ANGPT2: variants seen among roughly 807,000 people sequenced by gnomAD.
The protein encoded by ANGPT2 is angiopoietin-2.
In ANGPT2, 28 loss-of-function variants were observed where a neutral mutation model predicts 62.9. That is an observed-to-expected ratio of 0.44 (90% CI 0.33 to 0.61). ANGPT2 has a LOEUF of 0.61. ANGPT2 is among the 20% of genes least tolerant of loss of function. The pLI is 0.03. For synonymous variants in ANGPT2, 284 were observed against 207.8 expected, an observed-to-expected ratio of 1.37 and a Z score of -3.15; for missense variants, 727 against 594.9, an observed-to-expected ratio of 1.22 and a Z score of -2.31.
chr8:6,519,981 G>A lies in ANGPT2; in HGVS notation c.810C>T (p.Pro270=). The stretch of plus-strand genomic sequence containing the variant: ...TGATTTGTTCTTCTTTAGCAACAGT[G>A]GGGTCCTTAGCTGCTTTTAAAAAAT... ...TMMSTSNSKD[P]TVAKEEQISF... is the part of the protein sequence containing the mutation. Residue 270 remains proline (P), a synonymous_variant, in exon 5 of 9, where the codon CCC becomes CCT. Coordinates refer to ENST00000629816, the MANE Select transcript of ANGPT2 (RefSeq NM_001118887.2). 6.2e-7 allele frequency: 1 copy of A among 1,613,970 alleles called. No homozygotes were observed. The highest frequency in any genetic ancestry group is 1.3e-5 in the African/African-American group (1 of 75,042).
Position 6,552,596 on chromosome 8 carries a change from A to G in ANGPT2, c.288+10051T>C, listed in dbSNP as rs149056428. Among the ~76,000 whole-genome samples the G allele has an allele frequency of 4.5e-3, 681 of 152,316 alleles. 6 individuals are homozygous for G. Among genetic ancestry groups the G allele is most frequent in the African/African-American group, 0.015 (644 of 41,578 alleles). On this transcript the variant is annotated intron_variant, in intron 1 of 8. Transcript: ENST00000629816. Reference sequence around the variant, plus strand: ...TGATAAGTGTCTTTCTGGTGTTCCTATTAAAATTCATTATAATTACCGTTC... The same window carrying G: ...TGATAAGTGTCTTTCTGGTGTTCCTGTTAAAATTCATTATAATTACCGTTC...
At position 6,505,302 on chromosome 8, in the gene ANGPT2, TG is replaced by T. The variant is rs1221415075; in HGVS notation, c.1328-2042del. Among the ~76,000 whole-genome samples the T allele has an allele frequency of 3.4e-3, 151 of 44,934 alleles. 18 individuals are homozygous for T. The highest frequency in any genetic ancestry group is 0.019 in the African/African-American group (137 of 7,228). 29.5% of individuals were successfully genotyped at this position (44,934 alleles called of 152,430 possible). A position where few individuals can be genotyped will look rare whatever the true frequency, so the allele number is the denominator to read the frequency against. On this transcript the variant is annotated intron_variant, in intron 8 of 8. Transcript: ENST00000629816. ...CATATATATGTTATATACATATATA[TG>T]TATATAACATATATATGTTATATAC...
intron 1 of ANGPT2, among the ~76,000 whole-genome samples, chr8:6,539,429 G>C (rs1163125357): frequency 6.6e-6 from 1 of 152,156 alleles, no homozygotes; most frequent in Non-Finnish European, 1.5e-5. Flanking sequence ...CTGGCCTCTG[G>C]TGCCAATTTC....
rs1446607473 is a variant in ANGPT2, at chr8:6,520,001, AAAAATAGT to A, written c.800-18_800-11del. On this transcript the variant is annotated splice_polypyrimidine_tract_variant and intron_variant, in intron 4 of 8. Coordinates refer to ENST00000629816, the MANE Select transcript of ANGPT2 (RefSeq NM_001118887.2). ...ACAGTGGGGTCCTTAGCTGCTTTTA[AAAAATAGT>A]AAGGCATTTAAACGGAGTTCATGAA... 1.2e-6 allele frequency: 2 copies of A among 1,613,006 alleles called. No individual in the cohort carries two copies. Among genetic ancestry groups the A allele is most frequent in the Non-Finnish European group, 1.7e-6 (2 of 1,179,560 alleles).
In ANGPT2 at chr8:6,521,172, A is replaced by G. The variant is rs890659926; in HGVS notation, c.799+6T>C. ...ACGCTGAAGAAAGCATGATATGTAA[A>G]CTTACAGTTTGATGTGGACATCATA... On this transcript the variant is annotated splice_donor_region_variant and intron_variant, in intron 4 of 8. Transcript: ENST00000629816. 1.2e-6 allele frequency: 2 copies of G among 1,609,396 alleles called. No homozygotes were observed. Among genetic ancestry groups the G allele is most frequent in the African/African-American group, 2.7e-5 (2 of 74,778 alleles).
intron 1 of ANGPT2, among the ~76,000 whole-genome samples, chr8:6,547,865 C>T (rs762558748): frequency 1.4e-4 from 21 of 151,054 alleles, no homozygotes; most frequent in Non-Finnish European, 2.4e-4. Context: ...TTGTTTGTTT[C>T]AGTGAGTCAT....
Position 6,514,677 on chromosome 8 carries a change from C to A in ANGPT2, c.1029G>T (p.Val343=). ...DFQRTWKEYK[V]GFGNPSGEYW... ...CTGATGCCTTAAAGAATGTCCTTAC[C>A]ACTTTATATTCTTTCCAAGTCCTCT... The change falls in exon 6 of 9, where the codon GTG becomes GTT. Residue 343 remains valine, a splice_region_variant and synonymous_variant. Transcript: ENST00000629816. 6.2e-7 allele frequency: 1 copy of A among 1,613,198 alleles called. No individual in the cohort carries two copies.
At chr8:6,517,219 G>A (rs1404217829) in intron 5 of ANGPT2, among the ~76,000 whole-genome samples, 2 of 152,154 alleles carry the variant, frequency 1.3e-5, no homozygotes, top group Non-Finnish European at 2.9e-5. Flanking sequence ...AAACCTAAGG[G>A]CAGTTAATAT....
chr8:6,503,128 G>T lies in ANGPT2; in HGVS notation c.1461C>A (p.Thr487=). 6.2e-7 allele frequency: 1 copy of T among 1,614,188 alleles called. No individual in the cohort carries two copies. The change falls in exon 9 of 9, where the codon ACC becomes ACA. Residue 487 remains threonine, a synonymous_variant. Transcript: ENST00000629816. ...AGAAATCTGCTGGTCGGATCATCAT[G>T]GTTGTGGCCTTGAGCGAATAGCCTG... ...KGSGYSLKAT[T]MMIRPADF is the part of the protein sequence containing the mutation.
intron 1 of ANGPT2, among the ~76,000 whole-genome samples, chr8:6,542,393 A>G (rs1043387966): frequency 2.6e-5 from 4 of 151,848 alleles, no homozygotes; most frequent in Non-Finnish European, 4.4e-5. Context: ...TGTGTGTTTC[A>G]GTTCTCTAAG....
At chr8:6,550,762 C>T (rs1013659089) in intron 1 of ANGPT2, among the ~76,000 whole-genome samples, 7 of 152,208 alleles carry the variant, frequency 4.6e-5, no homozygotes, top group African/African-American at 1.7e-4. Context: ...TCTGATACCT[C>T]TCAGAGCTGG....
At chr8:6,544,447 C>G (rs1053238913) in intron 1 of ANGPT2, among the ~76,000 whole-genome samples, 2 of 152,102 alleles carry the variant, frequency 1.3e-5, no homozygotes, top group Admixed American at 6.6e-5. Context: ...ACCTCCTAAC[C>G]CAAAATAAGA....
chr8:6,546,783 C>T (rs1356997937), intron 1 of ANGPT2, among the ~76,000 whole-genome samples: 1 of 152,190 alleles, frequency 6.6e-6, no homozygotes, highest in South Asian at 2.1e-4. Context: ...CCTCCCCTTC[C>T]CCCAATCCAA....
intron 1 of ANGPT2, among the ~76,000 whole-genome samples, chr8:6,541,860 T>G (rs1190569946): frequency 6.6e-6 from 1 of 151,972 alleles, no homozygotes; most frequent in African/African-American, 2.4e-5. Flanking sequence ...TTTTAAAAAT[T>G]AGCTGGACAT....
At chr8:6,520,743 G>A (rs1402537898) in intron 4 of ANGPT2, among the ~76,000 whole-genome samples, 1 of 152,096 alleles carries the variant, frequency 6.6e-6, no homozygotes, top group South Asian at 2.1e-4. Flanking sequence ...CAATAATAAG[G>A]AAGGCAAAAT....
At chr8:6,537,308 C>G (rs1563087031) in intron 1 of ANGPT2, among the ~76,000 whole-genome samples, 1 of 152,004 alleles carries the variant, frequency 6.6e-6, no homozygotes, top group Non-Finnish European at 1.5e-5. Flanking sequence ...TTTATTTTGT[C>G]CTCTTCTTGA....
intron 4 of ANGPT2, among the ~76,000 whole-genome samples, chr8:6,520,472 C>T (rs892184830): frequency 2.0e-5 from 3 of 151,956 alleles, no homozygotes; most frequent in Non-Finnish European, 4.4e-5. Flanking sequence ...CTCAGCTTAC[C>T]GCATCCTCCT....
At chr8:6,517,869 T>A (rs1311964672) in intron 5 of ANGPT2, among the ~76,000 whole-genome samples, 1 of 152,202 alleles carries the variant, frequency 6.6e-6, no homozygotes, top group Non-Finnish European at 1.5e-5. Context: ...GGAAGGGAAT[T>A]TAGAAGTAAC....
rs1817001434 is a variant in ANGPT2, at chr8:6,519,954, G to A, written c.837C>T (p.Ser279=). The change falls in exon 5 of 9, where the codon AGC becomes AGT. Residue 279 remains serine, a synonymous_variant. Transcript: ENST00000629816. ...DPTVAKEEQI[S]FRDCAEVFKS... Reference sequence around the variant, plus strand: ...TGAATACTTCAGCACAGTCTCTGAAGCTGATTTGTTCTTCTTTAGCAACAG... The same window carrying A: ...TGAATACTTCAGCACAGTCTCTGAAACTGATTTGTTCTTCTTTAGCAACAG... 1.9e-6 allele frequency: 3 copies of A among 1,614,104 alleles called. No individual in the cohort carries two copies. Among genetic ancestry groups the A allele is most frequent in the Non-Finnish European group, 2.5e-6 (3 of 1,179,980 alleles).
Sources: gnomAD v4.1 joint callset for allele counts (sites outside exome capture counted in the v4.1 genomes callset) on GRCh38, gnomAD v4.1.1 for gene constraint, MANE v1.5 for transcripts, NCBI Gene and HGNC (gene_info 2026-07-23, HGNC 2026-07-21) for gene names.